The following SLC5A9 variants were observed in gnomAD, a reference collection of about 807,000 sequenced individuals.
SLC5A9 encodes solute carrier family 5 member 9.
In SLC5A9, 59 loss-of-function variants were observed where a neutral mutation model predicts 70.9. The observed-to-expected ratio is 0.83, with a 90% CI of 0.68 to 1.03. The LOEUF (loss-of-function observed/expected upper bound fraction) is 1.03. Among genes scored for constraint, SLC5A9 ranks in the 50% least tolerant of loss-of-function variants. The pLI is 0.00. For missense variants in SLC5A9, 832 were observed against 881.1 expected (o/e 0.94, Z 0.71); for synonymous variants, 340 against 346.5 (o/e 0.98, Z 0.21).
At chr1:48,242,657 C>G (rs1006141181) in intron 13 of SLC5A9, 41 bp downstream of exon 13, 5 of 1,555,004 alleles carry the variant, frequency 3.2e-6, no homozygotes, top group Non-Finnish European at 4.4e-6. Context: ...CACAGAGGAA[C>G]AGGGGGGACA....
intron 1 of SLC5A9, 45 bp downstream of exon 1, chr1:48,222,943 G>A (rs775901935): frequency 1.2e-6 from 2 of 1,604,538 alleles, no homozygotes; most frequent in Non-Finnish European, 1.7e-6. Context: ...GGTAGTAGTG[G>A]TCTCTCAGCT....
intron 13 of SLC5A9, among the ~76,000 whole-genome samples, chr1:48,246,412 A>G (rs1644460668): frequency 5.3e-5 from 8 of 152,178 alleles, no homozygotes; most frequent in Admixed American, 5.2e-4. Flanking sequence ...ACCAGCTACC[A>G]CATTCTAAAC....
chr1:48,224,611 C>T, intron 1 of SLC5A9, 113 bp from the exon 2 acceptor site: 1 of 1,025,998 alleles, frequency 9.7e-7, no homozygotes, highest in South Asian at 1.4e-5. Context: ...TCAGTTTTCA[C>T]CCTCTGTGTC....
At chr1:48,246,127 C>T (rs189076529) in intron 13 of SLC5A9, among the ~76,000 whole-genome samples, 29 of 152,158 alleles carry the variant, frequency 1.9e-4, no homozygotes, top group African/African-American at 6.3e-4. Context: ...GCTCTCCGGG[C>T]ATATGAATTT....
At position 48,239,430 on chromosome 1, in the gene SLC5A9, G is replaced by C. The variant is rs1365901016; in HGVS notation, c.1570G>C (p.Val524Leu). 8 of 1,614,216 alleles carry C rather than the reference G, an allele frequency of 5.0e-6. No individual in the cohort carries two copies. The highest frequency in any genetic ancestry group is 6.8e-6 in the Non-Finnish European group (8 of 1,180,036). The part of the protein sequence containing the change: ...ACGEVDRRPA[V>L]LKDFHYLYFA... The stretch of plus-strand genomic sequence containing the variant: ...TGGGGAGGTGGACCGGAGGCCAGCA[G>C]TGCTGAAGGACTTCCACTACCTGTA... The change falls in exon 12 of 14, where the codon GTG (valine) becomes CTG (leucine). Residue 524 changes from valine to leucine, a missense_variant. Coordinates refer to ENST00000438567, the MANE Select transcript of SLC5A9 (RefSeq NM_001011547.3). This position sits in a 1 kb window ranked among gnomAD's most constrained non-coding sequence, Gnocchi z 4.2.
At chr1:48,236,350 G>A (rs933143696) in intron 10 of SLC5A9, among the ~76,000 whole-genome samples, 2 of 152,160 alleles carry the variant, frequency 1.3e-5, no homozygotes, top group Non-Finnish European at 2.9e-5. Context: ...TGCCCTCAGC[G>A]TGCTCACAGT....
rs1644316490 is a variant in SLC5A9, at chr1:48,235,729, G to T, written c.1142G>T (p.Gly381Val). The T allele has an allele frequency of 6.2e-7, 1 of 1,614,184 alleles. No homozygotes were observed. Among genetic ancestry groups the T allele is most frequent in the Non-Finnish European group, 8.5e-7 (1 of 1,180,040 alleles). ...PKLVMALMPV[G>V]LRGLMIAVIM... is the part of the protein sequence containing the mutation. ...TCACATGAGCCTCGTCTCTCCCCAG[G>T]TCTGCGGGGGCTGATGATTGCCGTG... Residue 381 changes from glycine (G) to valine (V), a missense_variant and splice_region_variant, in exon 10 of 14, where the codon GGT becomes GTT. Transcript: ENST00000438567.
At chr1:48,242,315 C>T (rs147975542) in intron 12 of SLC5A9, 142 bp from the exon 13 acceptor site, 74 of 919,404 alleles carry the variant, frequency 8.0e-5, no homozygotes, top group East Asian at 3.7e-4. Context: ...GGCTGAGATC[C>T]GGGCCTCCTG....
Position 48,228,898 on chromosome 1 carries a change from G to C in SLC5A9, c.283G>C (p.Gly95Arg). 1 of 1,613,712 alleles carries C rather than the reference G, an allele frequency of 6.2e-7. No homozygotes were observed. Among genetic ancestry groups the C allele is most frequent in the Non-Finnish European group, 8.5e-7 (1 of 1,179,970 alleles). The change falls in exon 3 of 14, where the codon GGC (glycine) becomes CGC (arginine). Residue 95 changes from glycine (G) to arginine (R), a missense_variant. Transcript: ENST00000438567. Reference protein sequence around the residue: ...SSNVGSGLFIGLAGTGAAGGL... With the variant: ...SSNVGSGLFIRLAGTGAAGGL... Reference sequence around the variant, plus strand: ...CAATGTGGGCAGTGGCTTGTTCATCGGCCTGGCTGGGACAGGGGCTGCCGG... The same window carrying C: ...CAATGTGGGCAGTGGCTTGTTCATCCGCCTGGCTGGGACAGGGGCTGCCGG...
At chr1:48,237,401 C>T (rs1397557214) in intron 10 of SLC5A9, among the ~76,000 whole-genome samples, 1 of 151,818 alleles carries the variant, frequency 6.6e-6, no homozygotes, top group African/African-American at 2.4e-5. Flanking sequence ...CCTTGAACAG[C>T]AACAGGTGGG....
Position 48,237,536 on chromosome 1 carries a change from AG to A in SLC5A9, c.1293-142del, listed in dbSNP as rs1391412974. 6 of 735,384 alleles carry A rather than the reference AG, an allele frequency of 8.2e-6. No individual in the cohort carries two copies. The African/African-American group carries it at 8.9e-5, about 11-fold the overall frequency. The allele number at this position is 735,384 out of a possible 1,614,324, so 45.6% of individuals were successfully genotyped here. On this transcript the variant is annotated intron_variant, in intron 10 of 13. Coordinates refer to ENST00000438567, the MANE Select transcript of SLC5A9 (RefSeq NM_001011547.3). ...CTAAGTTTCTGAATCTTAGTATTTGAGATTCTGGCTGCCAACCTTCTCTGAT... is the reference window on the plus strand; with the variant it reads ...CTAAGTTTCTGAATCTTAGTATTTGAATTCTGGCTGCCAACCTTCTCTGAT...
intron 13 of SLC5A9, among the ~76,000 whole-genome samples, chr1:48,244,802 TTATATATAAATTATATTTATATTA>T (rs1251843866): frequency 4.8e-5 from 6 of 124,614 alleles, no homozygotes; most frequent in African/African-American, 2.1e-4. Context: ...TATATTTATA[TTATATATAAATTATATTTATATTA>T]TATATATAAA....
At chr1:48,235,952 G>T in intron 10 of SLC5A9, 73 bp downstream of exon 10, 1 of 1,580,228 alleles carries the variant, frequency 6.3e-7, no homozygotes, top group Non-Finnish European at 8.6e-7. Flanking sequence ...ACCCTGAACA[G>T]AGGTGGCTGG....
chr1:48,233,256 G>T (rs1014116598), intron 8 of SLC5A9, among the ~76,000 whole-genome samples: 1 of 149,690 alleles, frequency 6.7e-6, no homozygotes, highest in Non-Finnish European at 1.5e-5. Context: ...AGCTATTCAG[G>T]AGGCTGAGGC....
intron 12 of SLC5A9, chr1:48,242,063 A>G (rs959509201): frequency 8.7e-6 from 4 of 460,324 alleles, no homozygotes; most frequent in Non-Finnish European, 1.7e-5. Context: ...TAAAGTCTGC[A>G]GTGACTCTCC....
At chr1:48,230,824 G>A in intron 5 of SLC5A9, 119 bp downstream of exon 5, 2 of 734,954 alleles carry the variant, frequency 2.7e-6, no homozygotes, top group East Asian at 2.7e-5. Flanking sequence ...TGCTGACAGA[G>A]AGGAGAAACA....
rs752480246 is a variant in SLC5A9, at chr1:48,232,424, G to T, written c.955G>T (p.Val319Leu). 1 of 1,614,174 alleles carries T rather than the reference G, an allele frequency of 6.2e-7. No individual in the cohort carries two copies. The highest frequency in any genetic ancestry group is 1.1e-5 in the South Asian group (1 of 91,082). The part of the protein sequence containing the change: ...KSLSHAKGGS[V>L]LGGYLKILPM... ...TCTGTCTCATGCCAAGGGAGGCTCC[G>T]TGCTGGGGGGCTACCTGAAGATCCT... The change falls in exon 8 of 14, where the codon GTG becomes TTG. Residue 319 changes from valine (V) to leucine (L), a missense_variant. Val to Leu is a conservative substitution (Grantham distance 32, BLOSUM62 1). Transcript: ENST00000438567.
At chr1:48,226,621 C>T (rs1644150661) in intron 2 of SLC5A9, among the ~76,000 whole-genome samples, 2 of 152,216 alleles carry the variant, frequency 1.3e-5, no homozygotes, top group Non-Finnish European at 2.9e-5. Context: ...CTGCCCTGCC[C>T]TGAGTCTGTG....
chr1:48,224,438 C>A (rs1644114747), intron 1 of SLC5A9, among the ~76,000 whole-genome samples: 1 of 152,184 alleles, frequency 6.6e-6, no homozygotes, highest in Non-Finnish European at 1.5e-5. Context: ...GATAAGGGGA[C>A]AAGAGTGCAC....
Sources: gnomAD v4.1 joint callset for allele counts (sites outside exome capture counted in the v4.1 genomes callset) on GRCh38, gnomAD v4.1.1 for gene constraint, Gnocchi (gnomAD v3.1) non-coding constraint, MANE v1.5 for transcripts, NCBI Gene and HGNC (gene_info 2026-07-23, HGNC 2026-07-21) for gene names.